The following TTF2 variants were observed in gnomAD, a reference collection of about 807,000 sequenced individuals.
TTF2 encodes RNA polymerase II termination factor.
Under a neutral mutation model 142.4 loss-of-function variants are expected in TTF2, and 108 were observed. The observed-to-expected ratio is 0.76, with a 90% CI of 0.65 to 0.89. The LOEUF (loss-of-function observed/expected upper bound fraction) is 0.89. Among genes scored for constraint, TTF2 ranks in the 40% least tolerant of loss-of-function variants. The probability of loss-of-function intolerance (pLI) is 0.00; values close to 1 mark genes in which losing one functional copy is unlikely to be tolerated. For missense variants in TTF2, 1,327 were observed against 1,379.8 expected (o/e 0.96, Z 0.61); for synonymous variants, 483 against 506.2 (o/e 0.95, Z 0.61).
chr1:117,073,740 C>A lies in TTF2; in HGVS notation c.285+13C>A, dbSNP rs1324041995. 7 of 1,610,664 alleles carry A rather than the reference C, an allele frequency of 4.3e-6. No individual in the cohort carries two copies. Among genetic ancestry groups the A allele is most frequent in the South Asian group, 1.1e-5 (1 of 90,654 alleles). ...TATTCCATGGCAGGTAGGAATTATT[C>A]ATCTGTTTTCAAACCTGCTGTGTTA... On this transcript the variant is annotated intron_variant, in intron 4 of 22. Coordinates refer to ENST00000369466, the MANE Select transcript of TTF2 (RefSeq NM_003594.4). This position sits in a 1 kb window ranked among gnomAD's most constrained non-coding sequence, Gnocchi z 4.4.
At chr1:117,067,491 C>G (rs1405128588) in intron 3 of TTF2, among the ~76,000 whole-genome samples, 1 of 143,076 alleles carries the variant, frequency 7.0e-6, no homozygotes, top group Non-Finnish European at 1.5e-5. Context: ...CATCATTACA[C>G]TCCAACCTGG....
chr1:117,075,120 C>A lies in TTF2; in HGVS notation c.536C>A (p.Ser179Ter). ...CCTGAAATGATGGAGAAAGACCTCT[C>A]ATCTGGCCTGGTACCAAAGAAAAAA... ...QKPEMMEKDL[S>*]SGLVPKKKQS... Residue 179 changes from serine to a stop codon, truncating the protein, a stop_gained, in exon 5 of 23, where the codon TCA (serine) becomes TAA (stop). Coordinates refer to ENST00000369466, the MANE Select transcript of TTF2 (RefSeq NM_003594.4). LOFTEE classifies it high-confidence loss of function. The surrounding 1 kb of genome is among the most constrained non-coding windows in gnomAD (Gnocchi z 4.5). The A allele has an allele frequency of 6.2e-7, 1 of 1,614,114 alleles. No individual in the cohort carries two copies. Among genetic ancestry groups the A allele is most frequent in the South Asian group, 1.1e-5 (1 of 91,078 alleles).
At position 117,086,481 on chromosome 1, in the gene TTF2, A is replaced by C. The variant is rs138608613; in HGVS notation, c.2119A>C (p.Lys707Gln). ...SLVAKEIPTN[K>Q]QEAEIPGANL... ...CGTGGCCAAGGAGATTCCCACAAACAAGCAAGAGGCAGAGATCCCAGGTGC... is the reference window on the plus strand; with the variant it reads ...CGTGGCCAAGGAGATTCCCACAAACCAGCAAGAGGCAGAGATCCCAGGTGC... Residue 707 changes from lysine (K) to glutamine (Q), a missense_variant, in exon 12 of 23, where the codon AAG becomes CAG. Transcript: ENST00000369466. The surrounding 1 kb of genome is among the most constrained non-coding windows in gnomAD (Gnocchi z 4.2). 1.0e-3 allele frequency: 1,645 copies of C among 1,614,112 alleles called. 6 individuals carry two copies. The highest frequency in any genetic ancestry group is 6.8e-4 in the Non-Finnish European group (804 of 1,180,000).
At position 117,086,545 on chromosome 1, in the gene TTF2, G is replaced by A; in HGVS notation, c.2160+23G>A. The A allele has an allele frequency of 6.3e-7, 1 of 1,578,358 alleles. No homozygotes were observed. Among genetic ancestry groups the A allele is most frequent in the Non-Finnish European group, 8.7e-7 (1 of 1,148,908 alleles). ...GAGGTGAGGCTGGGGGGCAGCCAGG[G>A]AAGTGGAGTTGGAGCCACAGATGGT... is the stretch of plus-strand genomic sequence containing the variant. On this transcript the variant is annotated intron_variant, in intron 12 of 22. Coordinates refer to ENST00000369466, the MANE Select transcript of TTF2 (RefSeq NM_003594.4). This position sits in a 1 kb window ranked among gnomAD's most constrained non-coding sequence, Gnocchi z 4.2.
At chr1:117,091,125 CT>C (rs1648538398) in intron 15 of TTF2, among the ~76,000 whole-genome samples, 1 of 151,702 alleles carries the variant, frequency 6.6e-6, no homozygotes, top group South Asian at 2.1e-4. Flanking sequence ...TCTTTTACAC[CT>C]TATATTTGTT....
rs1648006632 is a variant in TTF2 at position 117,086,314 on chromosome 1, GTCCT to G, written c.2055-99_2055-96del. The G allele has an allele frequency of 5.4e-6, 4 of 740,700 alleles. No individual in the cohort carries two copies. The highest frequency in any genetic ancestry group is 9.4e-6 in the Non-Finnish European group (4 of 424,840). The allele number at this position is 740,700 out of a possible 1,614,324, so 45.9% of individuals were successfully genotyped here. On this transcript the variant is annotated intron_variant, in intron 11 of 22. Coordinates refer to ENST00000369466, the MANE Select transcript of TTF2 (RefSeq NM_003594.4). This position sits in a 1 kb window ranked among gnomAD's most constrained non-coding sequence, Gnocchi z 4.2. ...CACAAGTTAATGAGTTCTGCTGTTT[GTCCT>G]TCCATTTGTAGGCATTTTTATTGAA...
chr1:117,075,923 A>T lies in TTF2; in HGVS notation c.1275+64A>T. ...ATTGCTTGTTATGGGCAGATATGAG[A>T]TCTCATTGCTACAGAAGGGTTAAAT... is the stretch of plus-strand genomic sequence containing the variant. On this transcript the variant is annotated intron_variant, in intron 5 of 22. Coordinates refer to ENST00000369466, the MANE Select transcript of TTF2 (RefSeq NM_003594.4). The surrounding 1 kb of genome is among the most constrained non-coding windows in gnomAD (Gnocchi z 4.5). The T allele has an allele frequency of 6.5e-7, 1 of 1,530,340 alleles. No homozygotes were observed. The highest frequency in any genetic ancestry group is 8.7e-7 in the Non-Finnish European group (1 of 1,146,134). The allele number at this position is 1,530,340 out of a possible 1,614,324, so 94.8% of individuals were successfully genotyped here.
In TTF2 at chr1:117,101,257, C is replaced by A; in HGVS notation, c.3345-123C>A. ...CCTCAGACAGGGTTCTTAACTGGACCTAAGAAGACTTAAAGGAAGAAATCT... is the reference window on the plus strand; with the variant it reads ...CCTCAGACAGGGTTCTTAACTGGACATAAGAAGACTTAAAGGAAGAAATCT... On this transcript the variant is annotated intron_variant, in intron 22 of 22. Transcript: ENST00000369466. This position sits in a 1 kb window ranked among gnomAD's most constrained non-coding sequence, Gnocchi z 5.9. 1 of 1,056,722 alleles carries A rather than the reference C, an allele frequency of 9.5e-7. No homozygotes were observed. Among genetic ancestry groups the A allele is most frequent in the Middle Eastern group, 3.2e-4 (1 of 3,164 alleles). The allele number at this position is 1,056,722 out of a possible 1,614,324, so 65.5% of individuals were successfully genotyped here. A position where few individuals can be genotyped will look rare whatever the true frequency, so the allele number is the denominator to read the frequency against.
At chr1:117,084,898 G>C (rs1279655108) in intron 11 of TTF2, among the ~76,000 whole-genome samples, 1 of 152,134 alleles carries the variant, frequency 6.6e-6, no homozygotes, top group African/African-American at 2.4e-5. Context: ...TAAAGAACGG[G>C]GCGGCAGTCT....
In TTF2 at chr1:117,102,973, G is replaced by C. The variant is rs1205345024; in HGVS notation, c.*1449G>C. On this transcript the variant is annotated 3_prime_UTR_variant, in exon 23 of 23. Transcript: ENST00000369466. ...CAGTTTGACGGGGTCCATATCAATGGACTGTGGAGAGAAGCGATTGATGTA... is the reference window on the plus strand; with the variant it reads ...CAGTTTGACGGGGTCCATATCAATGCACTGTGGAGAGAAGCGATTGATGTA... The C allele has an allele frequency of 1.3e-5, 2 of 152,190 alleles. No homozygotes were observed. Among genetic ancestry groups the C allele is most frequent in the Non-Finnish European group, 2.9e-5 (2 of 68,052 alleles). The allele number at this position is 152,190 out of a possible 1,614,324, so 9.4% of individuals were successfully genotyped here.
rs747792379 is a variant in TTF2, at chr1:117,090,097, G to T, written c.2385G>T (p.Arg795Ser). ...CSPFDEFNLW[R>S]SQVDNGSKKG... Reference sequence around the variant, plus strand: ...CATTTGATGAGTTCAATCTGTGGAGGAGTCAGGTTGACAATGGCTCAAAGA... The same window carrying T: ...CATTTGATGAGTTCAATCTGTGGAGTAGTCAGGTTGACAATGGCTCAAAGA... Residue 795 changes from arginine to serine, a missense_variant, in exon 14 of 23, where the codon AGG becomes AGT. By Grantham distance (110) the Arg-to-Ser change is moderately radical (BLOSUM62 -1). Transcript: ENST00000369466. The surrounding 1 kb of genome is among the most constrained non-coding windows in gnomAD (Gnocchi z 4.8). The T allele has an allele frequency of 6.2e-7, 1 of 1,614,100 alleles. No homozygotes were observed. Among genetic ancestry groups the T allele is most frequent in the East Asian group, 2.2e-5 (1 of 44,882 alleles).
intron 11 of TTF2, among the ~76,000 whole-genome samples, 163 bp downstream of exon 11, chr1:117,084,331 C>T (rs762424785): frequency 1.3e-5 from 2 of 152,226 alleles, no homozygotes; most frequent in African/African-American, 2.4e-5. Context: ...GCGTTGTATC[C>T]TGAGGTCTAC....
intron 18 of TTF2, chr1:117,094,607 G>A (rs1371199809): frequency 2.1e-6 from 1 of 473,820 alleles, no homozygotes; most frequent in Admixed American, 2.3e-5. Flanking sequence ...AGGCCATAAA[G>A]TGGGTAAAGC....
At position 117,084,147 on chromosome 1, in the gene TTF2, A is replaced by G. The variant is rs1445663810; in HGVS notation, c.2033A>G (p.Asn678Ser). ...AGAGTCTATCTCTACCATGGGCCAA[A>G]CCGGGATTCACGTGCCAGAGTGTAA... is the stretch of plus-strand genomic sequence containing the variant. ...KLRVYLYHGP[N>S]RDSRARVLST... is the part of the protein sequence containing the mutation. The change falls in exon 11 of 23, where the codon AAC (asparagine) becomes AGC (serine). Residue 678 changes from asparagine (N) to serine (S), a missense_variant. By Grantham distance (46) the Asn-to-Ser change is conservative. Coordinates refer to ENST00000369466, the MANE Select transcript of TTF2 (RefSeq NM_003594.4). The G allele has an allele frequency of 6.2e-7, 1 of 1,614,186 alleles. No homozygotes were observed. The highest frequency in any genetic ancestry group is 1.1e-5 in the South Asian group (1 of 91,080).
In TTF2 at chr1:117,099,083, G is replaced by T. The variant is rs760065150; in HGVS notation, c.3344+176G>T. On this transcript the variant is annotated intron_variant, in intron 22 of 22. Coordinates refer to ENST00000369466, the MANE Select transcript of TTF2 (RefSeq NM_003594.4). The surrounding 1 kb of genome is among the most constrained non-coding windows in gnomAD (Gnocchi z 4.3). Reference sequence around the variant, plus strand: ...TCAGGAGAAAAACGAGCAATTTGGGGTAAGCTTGAAGTTGGTCACTGCAAA... The same window carrying T: ...TCAGGAGAAAAACGAGCAATTTGGGTTAAGCTTGAAGTTGGTCACTGCAAA... Among the ~76,000 whole-genome samples the T allele has an allele frequency of 9.4e-4, 143 of 152,194 alleles. No homozygotes were observed. The highest frequency in any genetic ancestry group is 1.7e-3 in the Non-Finnish European group (117 of 68,012).
rs1049094091 is a variant in TTF2 at position 117,092,106 on chromosome 1, G to A, written c.2805+156G>A. On this transcript the variant is annotated intron_variant, in intron 17 of 22. Transcript: ENST00000369466. The surrounding 1 kb of genome is among the most constrained non-coding windows in gnomAD (Gnocchi z 4.4). ...TGTTTTTTGGTGGGTTGGAGAAAAG[G>A]GGGCTTATTTATTTTGCTTTATTTC... Among the ~76,000 whole-genome samples the A allele has an allele frequency of 1.3e-5, 2 of 152,086 alleles. No individual in the cohort carries two copies. The highest frequency in any genetic ancestry group is 1.5e-5 in the Non-Finnish European group (1 of 68,018).
At position 117,092,336 on chromosome 1, in the gene TTF2, A is replaced by C. The variant is rs1648669345; in HGVS notation, c.2805+386A>C. 6.6e-6 allele frequency among the ~76,000 whole-genome samples: 1 copy of C among 152,202 alleles called. No individual in the cohort carries two copies. The highest frequency in any genetic ancestry group is 1.5e-5 in the Non-Finnish European group (1 of 68,034). On this transcript the variant is annotated intron_variant, in intron 17 of 22. Transcript: ENST00000369466. This position sits in a 1 kb window ranked among gnomAD's most constrained non-coding sequence, Gnocchi z 4.4. ...AGGCAGTTTTGGGGTTTTGGGTTCCAGTTATAAAAACTCAGATAGTTATAC... is the reference window on the plus strand; with the variant it reads ...AGGCAGTTTTGGGGTTTTGGGTTCCCGTTATAAAAACTCAGATAGTTATAC...
rs766376400 is a variant in TTF2, at chr1:117,060,463, T to C, written c.37T>C (p.Cys13Arg). 4 of 1,613,728 alleles carry C rather than the reference T, an allele frequency of 2.5e-6. No homozygotes were observed. The highest frequency in any genetic ancestry group is 2.2e-5 in the East Asian group (1 of 44,896). Residue 13 changes from cysteine to arginine, a missense_variant, in exon 2 of 23, where the codon TGC becomes CGC. Cys to Arg is a radical substitution (Grantham distance 180, BLOSUM62 -3). Transcript: ENST00000369466. ...EVRCPEHGTF[C>R]FLKTGVRDGP... ...CTTTCTTCTCTCTTCAGGGACTTTC[T>C]GCTTTCTTAAGACCGGCGTCCGCGA...
At chr1:117,096,103 G>T in intron 19 of TTF2, 46 bp from the exon 20 acceptor site, 1 of 1,607,008 alleles carries the variant, frequency 6.2e-7, no homozygotes, top group Non-Finnish European at 8.5e-7. Flanking sequence ...AGATGAGTCT[G>T]TTTAATCTAT....
Sources: gnomAD v4.1 joint callset for allele counts (sites outside exome capture counted in the v4.1 genomes callset) on GRCh38, gnomAD v4.1.1 for gene constraint, Gnocchi (gnomAD v3.1) non-coding constraint, MANE v1.5 for transcripts, NCBI Gene and HGNC (gene_info 2026-07-23, HGNC 2026-07-21) for gene names.